PARVB: variants seen among roughly 807,000 people sequenced by gnomAD.
PARVB encodes parvin beta.
Under a neutral mutation model 47.0 loss-of-function variants are expected in PARVB, and 46 were observed. The ratio of observed to expected loss-of-function variants is 0.98; its 90% CI spans 0.77 to 1.25. PARVB has a LOEUF of 1.25. Among genes scored for constraint, PARVB ranks in the 50% most tolerant of loss-of-function variants. PARVB has a pLI of 0.00. For synonymous variants in PARVB, 196 were observed against 196.3 expected (o/e 1.00, Z 0.01); for missense variants, 473 against 471.6 (o/e 1.00, Z -0.03).
chr22:44,080,902 C>T (rs2051885031), intron 1 of PARVB, among the ~76,000 whole-genome samples: 1 of 152,172 alleles, frequency 6.6e-6, no homozygotes. Context: ...GACGCAAATC[C>T]TGTAGCACAG....
intron 11 of PARVB, 69 bp from the exon 12 acceptor site, chr22:44,163,789 T>C: frequency 5.3e-6 from 7 of 1,324,564 alleles, no homozygotes; most frequent in Non-Finnish European, 7.5e-6. Flanking sequence ...CCGGCTGTCC[T>C]CCAGCAGTGG....
Position 44,043,037 on chromosome 22 carries a change from A to T in PARVB, c.112+18586A>T, listed in dbSNP as rs1428353588. ...TAACTGATGAGTGGATAAGCAAACTATGCTCCATCCATACGATAGAATACT... is the reference window on the plus strand; with the variant it reads ...TAACTGATGAGTGGATAAGCAAACTTTGCTCCATCCATACGATAGAATACT... On this transcript the variant is annotated intron_variant, in intron 1 of 12. Transcript: ENST00000338758. Among the ~76,000 whole-genome samples, 4 of 152,330 alleles carry T rather than the reference A, an allele frequency of 2.6e-5. No homozygotes were observed. The East Asian group carries it at 5.8e-4, about 22-fold the overall frequency.
chr22:44,034,284 T>G (rs6006627), intron 1 of PARVB, among the ~76,000 whole-genome samples: 49,062 of 121,996 alleles, frequency 0.4, 9,829 homozygotes, highest in African/African-American at 0.59. Flanking sequence ...TTGAGATGGG[T>G]GTCTTTATAC....
At chr22:44,067,439 A>G (rs1214158960) in intron 1 of PARVB, among the ~76,000 whole-genome samples, 1 of 152,178 alleles carries the variant, frequency 6.6e-6, no homozygotes, top group African/African-American at 2.4e-5. Context: ...CAAGGGGCTG[A>G]CCACCAGCCC....
intron 4 of PARVB, among the ~76,000 whole-genome samples, chr22:44,131,026 C>T (rs1386163866): frequency 6.5e-5 from 6 of 91,788 alleles, no homozygotes; most frequent in African/African-American, 1.8e-4. Flanking sequence ...CAGTATATCT[C>T]TCTCCCCTTC....
At chr22:44,012,408 A>G (rs1406994558) in intron 2 of PARVB, among the ~76,000 whole-genome samples, 1 of 152,208 alleles carries the variant, frequency 6.6e-6, no homozygotes, top group Admixed American at 6.5e-5. Flanking sequence ...AAGTGTTTCC[A>G]TCACAGTTTT....
At chr22:44,026,050 G>A (rs911309147) in intron 1 of PARVB, among the ~76,000 whole-genome samples, 1 of 152,190 alleles carries the variant, frequency 6.6e-6, no homozygotes, top group African/African-American at 2.4e-5. Flanking sequence ...AGGCCAGAAG[G>A]AACCAGAGGA....
intron 3 of PARVB, chr22:44,114,701 A>G (rs2052821399): frequency 9.3e-6 from 1 of 107,248 alleles, no homozygotes; most frequent in Non-Finnish European, 1.9e-5. Flanking sequence ...CCCTGCACCA[A>G]CACAGATACG....
chr22:44,148,921 C>T (rs548879403), intron 9 of PARVB: 1 of 152,306 alleles, frequency 6.6e-6, no homozygotes, highest in East Asian at 1.9e-4. Context: ...GCCTTCCTAG[C>T]ACTCTTGGGT....
At chr22:44,026,522 G>A (rs888698471) in intron 1 of PARVB, 2 of 177,780 alleles carry the variant, frequency 1.1e-5, no homozygotes, top group African/African-American at 4.8e-5. Context: ...CTCCTGGGAA[G>A]TGGAAGAGTC....
chr22:44,062,333 C>T (rs193005412), intron 1 of PARVB, among the ~76,000 whole-genome samples: 45 of 152,206 alleles, frequency 3.0e-4, no homozygotes, highest in African/African-American at 1.1e-3. Flanking sequence ...GATTAATTTG[C>T]TGGGACTCAG....
intron 10 of PARVB, among the ~76,000 whole-genome samples, chr22:44,154,795 GA>G (rs1158083829): frequency 2.7e-5 from 4 of 147,500 alleles, no homozygotes; most frequent in South Asian, 4.4e-4. Context: ...TGTGTGGTGT[GA>G]TGTGTGTGTG....
intron 1 of PARVB, among the ~76,000 whole-genome samples, chr22:44,064,898 T>A (rs2051489051): frequency 6.6e-6 from 1 of 152,210 alleles, no homozygotes; most frequent in South Asian, 2.1e-4. Context: ...AGTTCTAGGA[T>A]GAGGGTTCTC....
In PARVB at chr22:44,163,865, A is replaced by G. The variant is rs772334370; in HGVS notation, c.953A>G (p.Asn318Ser). Residue 318 changes from asparagine to serine, a missense_variant, in exon 12 of 13, where the codon AAT becomes AGT. Physicochemically the swap from Asn to Ser is conservative, Grantham distance 46. Transcript: ENST00000338758. ...ACCCCCCTTCCTTGGCAGGTCCACA[A>G]TGTGTCCTTCGCCTTTGAGCTGATG... ...TPESFDQKVH[N>S]VSFAFELMLD... The G allele has an allele frequency of 1.5e-5, 24 of 1,608,674 alleles. No homozygotes were observed. The highest frequency in any genetic ancestry group is 3.4e-5 in the Admixed American group (2 of 59,332).
At chr22:44,030,433 G>A (rs1008370804) in intron 1 of PARVB, among the ~76,000 whole-genome samples, 1 of 152,224 alleles carries the variant, frequency 6.6e-6, no homozygotes, top group East Asian at 1.9e-4. Context: ...CAACGGTGCA[G>A]CCTGTGGGCT....
chr22:44,033,191 C>T (rs990771448), intron 1 of PARVB, among the ~76,000 whole-genome samples: 3 of 152,062 alleles, frequency 2.0e-5, no homozygotes, highest in East Asian at 1.9e-4. Context: ...TGGGTTCAAG[C>T]GAGCACATCC....
intron 4 of PARVB, chr22:44,119,927 G>A (rs1236503335): frequency 6.2e-6 from 3 of 485,104 alleles, no homozygotes; most frequent in African/African-American, 2.0e-5. Flanking sequence ...GCAAAGAACG[G>A]AAGAGCAGAG....
Position 44,066,761 on chromosome 22 carries a change from C to T in PARVB, c.113-27167C>T, listed in dbSNP as rs1011863748. Among the ~76,000 whole-genome samples the T allele has an allele frequency of 5.3e-5, 4 of 74,774 alleles. No individual in the cohort carries two copies. In the Admixed American group the frequency reaches 5.7e-4, roughly 11 times the overall value. The allele number at this position is 74,774 out of a possible 152,430, so 49.1% of individuals were successfully genotyped here. A position where few individuals can be genotyped will look rare whatever the true frequency, so the allele number is the denominator to read the frequency against. ...TGATGAGAATCAAATGAAATGATGA[C>T]ATCAGTCCCTTAATTATTTCTCCTC... On this transcript the variant is annotated intron_variant, in intron 1 of 12. Transcript: ENST00000338758.
intron 4 of PARVB, among the ~76,000 whole-genome samples, chr22:44,128,959 T>G (rs1697323009): frequency 6.6e-6 from 1 of 152,120 alleles, no homozygotes; most frequent in South Asian, 2.1e-4. Flanking sequence ...ATGCCTGTAA[T>G]CCCAGCTACT....
Sources: gnomAD v4.1 joint callset for allele counts (sites outside exome capture counted in the v4.1 genomes callset) on GRCh38, gnomAD v4.1.1 for gene constraint, MANE v1.5 for transcripts, NCBI Gene and HGNC (gene_info 2026-07-23, HGNC 2026-07-21) for gene names.